SCAMP1: variants seen among roughly 807,000 people sequenced by gnomAD.
SCAMP1 encodes secretory carrier membrane protein 1, also known as secretory carrier-associated membrane protein 1.
A neutral mutation model predicts 41.8 loss-of-function variants in SCAMP1; 15 were observed. The observed-to-expected ratio is 0.36, with a 90% confidence interval of 0.24 to 0.55. The LOEUF is 0.55. SCAMP1 is among the 20% of genes least tolerant of loss of function. The pLI is 0.86. For missense variants in SCAMP1, 341 were observed against 412.6 expected, an observed-to-expected ratio of 0.83 and a Z score of 1.50; for synonymous variants, 135 against 136.8, an observed-to-expected ratio of 0.99 and a Z score of 0.09.
In SCAMP1 at chr5:78,416,576, C is replaced by G; in HGVS notation, c.270C>G (p.Arg90=). The change falls in exon 4 of 9, where the codon CGC becomes CGG. Residue 90 remains arginine, a synonymous_variant. Coordinates refer to ENST00000621999, the MANE Select transcript of SCAMP1 (RefSeq NM_004866.6). The part of the protein sequence containing the change: ...HALAQAELLK[R]QEELERKAAE... ...TGGCCCAAGCTGAACTTCTTAAGCG[C>G]CAGGAAGAACTAGAAAGAAAAGCCG... 1 of 1,598,616 alleles carries G rather than the reference C, an allele frequency of 6.3e-7. No homozygotes were observed. The highest frequency in any genetic ancestry group is 8.5e-7 in the Non-Finnish European group (1 of 1,172,286).
intron 6 of SCAMP1, among the ~76,000 whole-genome samples, chr5:78,443,398 T>C (rs1752977072): frequency 6.6e-6 from 1 of 152,042 alleles, no homozygotes; most frequent in East Asian, 1.9e-4. Flanking sequence ...GGGCAATACA[T>C]GTGTTTGACA....
chr5:78,361,641 C>T (rs1750656082), intron 1 of SCAMP1, among the ~76,000 whole-genome samples: 1 of 152,254 alleles, frequency 6.6e-6, no homozygotes, highest in South Asian at 2.1e-4. Flanking sequence ...ATAACTCTCT[C>T]TTTGAAAGTA....
chr5:78,480,004 C>T lies in SCAMP1; in HGVS notation c.*4336C>T, dbSNP rs1754101643. Among the ~76,000 whole-genome samples, 2 of 151,500 alleles carry T rather than the reference C, an allele frequency of 1.3e-5. No homozygotes were observed. The highest frequency in any genetic ancestry group is 1.3e-4 in the Admixed American group (2 of 15,220). ...GAGCTTGCAGTGAGCCGAGATCTCT[C>T]CACTGCACTCCAGCCTGGGCGACAG... On this transcript the variant is annotated 3_prime_UTR_variant, in exon 9 of 9. Transcript: ENST00000621999.
rs1405926822 is a variant in SCAMP1 at position 78,406,639 on chromosome 5, T to G, written c.136-8881T>G. Among the ~76,000 whole-genome samples the G allele has an allele frequency of 2.0e-5, 3 of 152,250 alleles. No homozygotes were observed. The East Asian group carries it at 5.8e-4, about 29-fold the overall frequency. On this transcript the variant is annotated intron_variant, in intron 2 of 8. Coordinates refer to ENST00000621999, the MANE Select transcript of SCAMP1 (RefSeq NM_004866.6). ...TATAATCATGATTATTATAATGTTC[T>G]TAATTCTCTTGAGCCAATATATTTT...
chr5:78,390,511 T>A (rs189090857), intron 2 of SCAMP1, among the ~76,000 whole-genome samples: 1 of 152,218 alleles, frequency 6.6e-6, no homozygotes, highest in East Asian at 1.9e-4. Context: ...TGCAATTTGG[T>A]AGTAGTTGTT....
chr5:78,408,863 G>A (rs1393981385), intron 2 of SCAMP1, among the ~76,000 whole-genome samples: 5 of 152,160 alleles, frequency 3.3e-5, no homozygotes, highest in Non-Finnish European at 7.4e-5. Flanking sequence ...GCCTCCCAAA[G>A]TGCTGAGATT....
chr5:78,440,858 C>T (rs186002023), intron 6 of SCAMP1, among the ~76,000 whole-genome samples: 181 of 152,326 alleles, frequency 1.2e-3, no homozygotes, highest in African/African-American at 4.0e-3. Context: ...GGGCTCCACC[C>T]AGTTCGAGCT....
At chr5:78,396,906 T>G (rs758912078) in intron 2 of SCAMP1, among the ~76,000 whole-genome samples, 2 of 152,202 alleles carry the variant, frequency 1.3e-5, no homozygotes, top group Admixed American at 1.3e-4. Context: ...TCTTGAATAG[T>G]GTAGTTTTGG....
chr5:78,411,603 A>G (rs966149591), intron 2 of SCAMP1, among the ~76,000 whole-genome samples: 7 of 151,778 alleles, frequency 4.6e-5, no homozygotes, highest in Non-Finnish European at 7.4e-5. Flanking sequence ...ATCTTATTGC[A>G]CTCTTTTAGA....
Position 78,415,520 on chromosome 5 carries a change from C to T in SCAMP1, c.136C>T (p.Pro46Ser). ...ATTTTCCTTCTCTTAATCCTCCTAG[C>T]CTCCACCAGGCGGTGTGAAGATGCC... ...EYNPFSDSRT[P>S]PPGGVKMPNV... Residue 46 changes from proline to serine, a missense_variant and splice_region_variant, in exon 3 of 9, where the codon CCT becomes TCT. Physicochemically the swap from Pro to Ser is moderately conservative, Grantham distance 74. Transcript: ENST00000621999. 6.3e-7 allele frequency: 1 copy of T among 1,590,046 alleles called. No individual in the cohort carries two copies. Among genetic ancestry groups the T allele is most frequent in the Non-Finnish European group, 8.6e-7 (1 of 1,164,070 alleles).
chr5:78,406,173 C>A (rs1262845534), intron 2 of SCAMP1, among the ~76,000 whole-genome samples: 1 of 152,112 alleles, frequency 6.6e-6, no homozygotes, highest in Admixed American at 6.6e-5. Context: ...CTAAGAATCA[C>A]CATGGGGAGT....
intron 8 of SCAMP1, among the ~76,000 whole-genome samples, chr5:78,466,994 A>G (rs1753765065): frequency 6.6e-6 from 1 of 152,192 alleles, no homozygotes; most frequent in African/African-American, 2.4e-5. Flanking sequence ...ATGATGGACC[A>G]TTCAAGAAGA....
At chr5:78,461,028 A>G (rs1047884854) in intron 8 of SCAMP1, among the ~76,000 whole-genome samples, 1 of 151,554 alleles carries the variant, frequency 6.6e-6, no homozygotes, top group Non-Finnish European at 1.5e-5. Context: ...GCTAATTTTT[A>G]TATGTTTAGT....
At chr5:78,436,873 ATTTG>A (rs937188404) in intron 6 of SCAMP1, among the ~76,000 whole-genome samples, 1 of 152,106 alleles carries the variant, frequency 6.6e-6, no homozygotes, top group Non-Finnish European at 1.5e-5. Context: ...ATATTCTTCC[ATTTG>A]TTTGTGCCCT....
chr5:78,409,209 T>C (rs1305697765), intron 2 of SCAMP1, among the ~76,000 whole-genome samples: 1 of 152,174 alleles, frequency 6.6e-6, no homozygotes, highest in African/African-American at 2.4e-5. Flanking sequence ...TTGGATTTAG[T>C]AGTTCCTGCT....
chr5:78,383,378 C>G (rs991128924), intron 1 of SCAMP1, among the ~76,000 whole-genome samples: 1 of 152,032 alleles, frequency 6.6e-6, no homozygotes, highest in African/African-American at 2.4e-5. Flanking sequence ...TTCTCCTACC[C>G]TATGTGTTGT....
intron 1 of SCAMP1, among the ~76,000 whole-genome samples, chr5:78,366,043 C>A (rs1750787116): frequency 6.6e-6 from 1 of 152,076 alleles, no homozygotes; most frequent in Admixed American, 6.5e-5. Context: ...AAGGTCCCAG[C>A]AGATTCAGTG....
At chr5:78,422,050 C>T (rs1382345605) in intron 6 of SCAMP1, 90 bp downstream of exon 6, 3 of 1,134,678 alleles carry the variant, frequency 2.6e-6, no homozygotes, top group Non-Finnish European at 2.5e-6. Context: ...GATGCATTTT[C>T]ATTAAAAAAT....
intron 6 of SCAMP1, among the ~76,000 whole-genome samples, chr5:78,443,995 G>T (rs1233287415): frequency 1.3e-5 from 2 of 152,000 alleles, no homozygotes; most frequent in Non-Finnish European, 2.9e-5. Context: ...TATAAATTTA[G>T]AATTTTCGAA....
Sources: allele counts gnomAD v4.1 joint callset (sites outside exome capture counted in the v4.1 genomes callset), GRCh38; gene constraint gnomAD v4.1.1; transcripts MANE v1.5; gene names NCBI Gene and HGNC (gene_info 2026-07-23, HGNC 2026-07-21).